The following DNAH11 variants were observed in gnomAD, a reference collection of about 807,000 sequenced individuals.
DNAH11 encodes the protein dynein axonemal heavy chain 11.
DNAH11 carries 442 observed loss-of-function variants against 526.0 expected under a neutral mutation model. The observed-to-expected ratio is 0.84, with a 90% CI of 0.78 to 0.91. DNAH11 has a LOEUF of 0.91. DNAH11 is among the 40% of genes least tolerant of loss of function. The pLI is 0.00. For synonymous variants in DNAH11, 2,461 were observed against 1,935.9 expected (o/e 1.27, Z -7.12); for missense variants, 6,989 against 5,448.7 (o/e 1.28, Z -8.90).
rs559316283 is a variant in DNAH11 at position 21,554,177 on chromosome 7, T to C, written c.496-4625T>C. The stretch of plus-strand genomic sequence containing the variant: ...TTGTGTCTGTTCTCTGGGATTTTTT[T>C]TTTTTTTTTTTTTTTAGGGGAAGTC... On this transcript the variant is annotated intron_variant, in intron 2 of 81. Transcript: ENST00000409508. Among the ~76,000 whole-genome samples the C allele has an allele frequency of 3.6e-4, 55 of 150,972 alleles. No individual in the cohort carries two copies. In the East Asian group the frequency reaches 9.9e-3, roughly 27 times the overall value.
At chr7:21,803,693 G>A (rs1347900717) in intron 62 of DNAH11, among the ~76,000 whole-genome samples, 4 of 151,500 alleles carry the variant, frequency 2.6e-5, no homozygotes, top group Admixed American at 2.6e-4. Flanking sequence ...ATTGAAGTCT[G>A]GAAAAGTGGG....
In DNAH11 at chr7:21,821,248, A is replaced by C. The variant is rs573627561; in HGVS notation, c.10691+2909A>C. 2.0e-5 allele frequency among the ~76,000 whole-genome samples: 3 copies of C among 150,934 alleles called. No individual in the cohort carries two copies. In the South Asian group the frequency reaches 6.3e-4, roughly 32 times the overall value. On this transcript the variant is annotated intron_variant, in intron 65 of 81. Coordinates refer to ENST00000409508, the MANE Select transcript of DNAH11 (RefSeq NM_001277115.2). ...TTACTAGACATGCAAAGGTTGAGGT[A>C]CTTCTTTAACACTCATTTCTAAAAC...
intron 44 of DNAH11, among the ~76,000 whole-genome samples, chr7:21,722,134 C>A (rs1784902826): frequency 6.6e-6 from 1 of 152,162 alleles, no homozygotes; most frequent in Non-Finnish European, 1.5e-5. Context: ...CCACCATGCA[C>A]CTCTATGTGT....
At chr7:21,820,506 C>T (rs1415999282) in intron 65 of DNAH11, among the ~76,000 whole-genome samples, 1 of 152,134 alleles carries the variant, frequency 6.6e-6, no homozygotes, top group East Asian at 1.9e-4. Context: ...GGACAGAGAG[C>T]CCTAATTTCA....
chr7:21,749,877 G>T (rs954601929), intron 53 of DNAH11, 76 bp downstream of exon 53: 1 of 1,587,498 alleles, frequency 6.3e-7, no homozygotes, highest in Non-Finnish European at 8.6e-7. Flanking sequence ...ACTTTAAAGA[G>T]AGAGAATTCG....
At chr7:21,722,199 ATAAAG>A (rs1250829580) in intron 44 of DNAH11, among the ~76,000 whole-genome samples, 4 of 152,176 alleles carry the variant, frequency 2.6e-5, no homozygotes, top group African/African-American at 9.7e-5. Context: ...CATTGCACAA[ATAAAG>A]TAAAGCTCAG....
chr7:21,603,191 T>C (rs531587997), intron 18 of DNAH11, among the ~76,000 whole-genome samples: 2 of 152,350 alleles, frequency 1.3e-5, no homozygotes, highest in East Asian at 3.9e-4. Context: ...TTTCACTTGG[T>C]ATAATGTTTT....
At position 21,597,689 on chromosome 7, in the gene DNAH11, A is replaced by G. The variant is rs144004237; in HGVS notation, c.2668-2098A>G. Among the ~76,000 whole-genome samples the G allele has an allele frequency of 3.9e-4, 59 of 152,310 alleles. No individual in the cohort carries two copies. In the East Asian group the frequency reaches 7.7e-3, roughly 20 times the overall value. Reference sequence around the variant, plus strand: ...GGCAGGGAGTCTGCCCCCATGATTCAGTCACCTTCCACCAGGCCACTCTCC... The same window carrying G: ...GGCAGGGAGTCTGCCCCCATGATTCGGTCACCTTCCACCAGGCCACTCTCC... On this transcript the variant is annotated intron_variant, in intron 14 of 81. Coordinates refer to ENST00000409508, the MANE Select transcript of DNAH11 (RefSeq NM_001277115.2).
Position 21,613,618 on chromosome 7 carries a change from T to C in DNAH11, c.3853-1496T>C, listed in dbSNP as rs1785633054. On this transcript the variant is annotated intron_variant, in intron 20 of 81. Coordinates refer to ENST00000409508, the MANE Select transcript of DNAH11 (RefSeq NM_001277115.2). ...TTAGTTCACAAGACTTCTTGTACAATATGGTGACTATAGTTAATAGCAACG... is the reference window on the plus strand; with the variant it reads ...TTAGTTCACAAGACTTCTTGTACAACATGGTGACTATAGTTAATAGCAACG... 1.3e-5 allele frequency among the ~76,000 whole-genome samples: 2 copies of C among 152,324 alleles called. 1 individual carries two copies. The highest frequency in any genetic ancestry group is 4.1e-4 in the South Asian group (2 of 4,832).
At chr7:21,611,222 C>T (rs1785510788) in intron 20 of DNAH11, among the ~76,000 whole-genome samples, 1 of 152,148 alleles carries the variant, frequency 6.6e-6, no homozygotes, top group Non-Finnish European at 1.5e-5. Context: ...TGGTCTTGGA[C>T]ATCAGAATTC....
chr7:21,640,800 C>G (rs1562721724), intron 28 of DNAH11, among the ~76,000 whole-genome samples: 1 of 152,124 alleles, frequency 6.6e-6, no homozygotes, highest in South Asian at 2.1e-4. Flanking sequence ...ATGTCAAGGC[C>G]AAGCTTTCGT....
At chr7:21,572,337 C>T (rs1028532055) in intron 8 of DNAH11, among the ~76,000 whole-genome samples, 1 of 152,086 alleles carries the variant, frequency 6.6e-6, no homozygotes, top group Non-Finnish European at 1.5e-5. Flanking sequence ...TTTTTTGATT[C>T]ACCTGAACAC....
intron 62 of DNAH11, among the ~76,000 whole-genome samples, chr7:21,805,029 C>T (rs952320488): frequency 2.0e-5 from 3 of 152,120 alleles, no homozygotes; most frequent in African/African-American, 4.8e-5. Context: ...CTTCTTTGTG[C>T]GTTAGCCTTT....
At chr7:21,861,784 G>C (rs1338691233) in intron 68 of DNAH11, 69 bp from the exon 69 acceptor site, 3 of 1,583,736 alleles carry the variant, frequency 1.9e-6, no homozygotes, top group Non-Finnish European at 2.6e-6. Flanking sequence ...CTGTTGCCCT[G>C]TGTATCGGGG....
intron 27 of DNAH11, 22 bp downstream of exon 27, chr7:21,637,724 A>T: frequency 1.4e-6 from 2 of 1,415,086 alleles, no homozygotes; most frequent in Non-Finnish European, 1.9e-6. Context: ...GCTATATAAG[A>T]TAATCAATTT....
intron 25 of DNAH11, among the ~76,000 whole-genome samples, chr7:21,627,905 C>G (rs1036674458): frequency 5.9e-5 from 9 of 152,082 alleles, no homozygotes; most frequent in African/African-American, 2.2e-4. Context: ...AATCCATGAG[C>G]GTGGAATATC....
At chr7:21,772,352 C>A (rs1343997880) in intron 55 of DNAH11, among the ~76,000 whole-genome samples, 1 of 122,780 alleles carries the variant, frequency 8.1e-6, no homozygotes, top group Admixed American at 9.5e-5. Context: ...TTTCTTCTTT[C>A]TTTCTTTTTT....
At chr7:21,583,119 G>C (rs1040769466) in intron 9 of DNAH11, among the ~76,000 whole-genome samples, 2 of 152,136 alleles carry the variant, frequency 1.3e-5, no homozygotes, top group African/African-American at 4.8e-5. Flanking sequence ...AAAAGAGCAT[G>C]TATAGCCAAT....
chr7:21,632,840 G>A (rs918653909), intron 25 of DNAH11, among the ~76,000 whole-genome samples: 2 of 152,138 alleles, frequency 1.3e-5, no homozygotes, highest in Non-Finnish European at 1.5e-5. Context: ...CCACATTTTC[G>A]GGTGTCTTTT....
Sources: gnomAD v4.1 joint callset for allele counts (sites outside exome capture counted in the v4.1 genomes callset) on GRCh38, gnomAD v4.1.1 for gene constraint, MANE v1.5 for transcripts, NCBI Gene and HGNC (gene_info 2026-07-23, HGNC 2026-07-21) for gene names.